Variants in PIGB observed in about 807,000 individuals in gnomAD.
PIGB encodes the protein phosphatidylinositol glycan anchor biosynthesis class B.
Under a neutral mutation model 68.4 loss-of-function variants are expected in PIGB, and 58 were observed. The observed-to-expected ratio is 0.85, with a 90% CI of 0.69 to 1.06. The LOEUF (loss-of-function observed/expected upper bound fraction) is 1.06, where lower values mean the gene tolerates loss of function less well. Ranked by LOEUF, PIGB falls within the 50% of genes least tolerant of loss-of-function variation. The probability of loss-of-function intolerance (pLI) is 0.00; values close to 1 mark genes in which losing one functional copy is unlikely to be tolerated. For synonymous variants in PIGB, 219 were observed against 220.5 expected (o/e 0.99, Z 0.06); for missense variants, 634 against 655.8 (o/e 0.97, Z 0.36).
chr15:55,334,904 G>A (rs1435644974), intron 6 of PIGB, among the ~76,000 whole-genome samples: 2 of 152,034 alleles, frequency 1.3e-5, no homozygotes, highest in Non-Finnish European at 2.9e-5. Context: ...ATTTTTAGTC[G>A]AGTTGGGGTT....
At chr15:55,319,601 T>G (rs1566945160) in intron 1 of PIGB, 188 bp downstream of exon 1, 1 of 538,766 alleles carries the variant, frequency 1.9e-6, no homozygotes, top group Non-Finnish European at 3.2e-6. Context: ...CTAAATTCAA[T>G]TTTTTAAAAA....
chr15:55,332,634 A>G (rs751404583), intron 5 of PIGB, among the ~76,000 whole-genome samples: 6 of 152,258 alleles, frequency 3.9e-5, no homozygotes, highest in Non-Finnish European at 8.8e-5. Context: ...CGGCCTCCCA[A>G]AGTGCTGGGA....
intron 3 of PIGB, chr15:55,324,722 A>G (rs566420257): frequency 5.2e-6 from 3 of 575,302 alleles, no homozygotes; most frequent in South Asian, 7.6e-5. Flanking sequence ...GCTACCTCAC[A>G]CTGTTGGCTC....
chr15:55,337,039 T>C (rs1213530895), intron 6 of PIGB, among the ~76,000 whole-genome samples: 14 of 152,072 alleles, frequency 9.2e-5, no homozygotes, highest in Admixed American at 5.9e-4. Flanking sequence ...TAAAAATCTA[T>C]AAGAAAAAGA....
Position 55,350,814 on chromosome 15 carries a change from T to G in PIGB, c.1239T>G (p.Asp413Glu). Residue 413 changes from aspartate to glutamate, a missense_variant, in exon 10 of 12, where the codon GAT (aspartate) becomes GAG (glutamate). Asp to Glu is a conservative substitution (Grantham distance 45). Transcript: ENST00000164305. ...TGLVHQRGTL[D>E]VMSHIQKVCY... is the part of the protein sequence containing the mutation. ...TAGTTCATCAACGAGGTACTCTTGA[T>G]GTCATGAGTCATATTCAAAAAGTTT... is the stretch of plus-strand genomic sequence containing the variant. 1 of 1,607,368 alleles carries G rather than the reference T, an allele frequency of 6.2e-7. No individual in the cohort carries two copies.
In PIGB at chr15:55,340,654, C is replaced by A. The variant is rs772856531; in HGVS notation, c.889C>A (p.Gln297Lys). 8 of 1,612,712 alleles carry A rather than the reference C, an allele frequency of 5.0e-6. No individual in the cohort carries two copies. Among genetic ancestry groups the A allele is most frequent in the Non-Finnish European group, 6.8e-6 (8 of 1,179,368 alleles). The change falls in exon 8 of 12, where the codon CAG becomes AAG. Residue 297 changes from glutamine to lysine, a missense_variant. Physicochemically the swap from Gln to Lys is moderately conservative, Grantham distance 53 (BLOSUM62 1). Transcript: ENST00000164305. ...TAATTTTTTGAAATTTAACGTGCTG[C>A]AGAACTGGGGAACATTTTATGGTTC... is the stretch of plus-strand genomic sequence containing the variant. ...QFNFLKFNVL[Q>K]NWGTFYGSHP...
intron 9 of PIGB, among the ~76,000 whole-genome samples, chr15:55,346,095 C>T (rs1566957759): frequency 6.6e-6 from 1 of 152,092 alleles, no homozygotes; most frequent in Non-Finnish European, 1.5e-5. Context: ...TGAACCTTAC[C>T]TTGGTAAGAA....
chr15:55,319,481 C>G, intron 1 of PIGB, 68 bp downstream of exon 1: 1 of 1,236,434 alleles, frequency 8.1e-7, no homozygotes, highest in African/African-American at 1.5e-5. Context: ...CATTTCATTA[C>G]CAGCCAGTTG....
intron 6 of PIGB, among the ~76,000 whole-genome samples, chr15:55,338,458 A>AAT (rs1393069878): frequency 6.6e-6 from 1 of 152,040 alleles, no homozygotes; most frequent in Non-Finnish European, 1.5e-5. Context: ...CCAGTTGGGT[A>AAT]ATATAGTGAG....
At position 55,347,983 on chromosome 15, in the gene PIGB, C is replaced by CTTT. The variant is rs576991463; in HGVS notation, c.1124-2694_1124-2692dup. On this transcript the variant is annotated intron_variant, in intron 9 of 11. Coordinates refer to ENST00000164305, the MANE Select transcript of PIGB (RefSeq NM_004855.5). ...TATTGTATTCCTAGTGCCATAGTTT[C>CTTT]TTTTTTTTTTTTTTTTTTTTTTTTG... is the stretch of plus-strand genomic sequence containing the variant. Among the ~76,000 whole-genome samples, 395 of 94,008 alleles carry CTTT rather than the reference C, an allele frequency of 4.2e-3. 2 individuals carry two copies. The highest frequency in any genetic ancestry group is 9.3e-3 in the East Asian group (23 of 2,466). The allele number at this position is 94,008 out of a possible 152,430, so 61.7% of individuals were successfully genotyped here.
In PIGB at chr15:55,333,090, A is replaced by T. The variant is rs139887824; in HGVS notation, c.654-777A>T. 5.8e-3 allele frequency among the ~76,000 whole-genome samples: 881 copies of T among 150,636 alleles called. 10 individuals carry two copies. Among genetic ancestry groups the T allele is most frequent in the Non-Finnish European group, 9.5e-3 (641 of 67,592 alleles). On this transcript the variant is annotated intron_variant, in intron 5 of 11. Coordinates refer to ENST00000164305, the MANE Select transcript of PIGB (RefSeq NM_004855.5). ...ATAGCTCCTTAGGAGAAACTTGATC[A>T]TTTTTTTTTCAATCAAGAAAGTAAT...
chr15:55,340,920 A>G, intron 8 of PIGB, 97 bp downstream of exon 8: 1 of 786,344 alleles, frequency 1.3e-6, no homozygotes, highest in Non-Finnish European at 2.0e-6. Flanking sequence ...TGGAGGTGCC[A>G]TTAACTTTTG....
intron 10 of PIGB, 111 bp from the exon 11 acceptor site, chr15:55,354,687 A>G: frequency 1.3e-6 from 1 of 791,004 alleles, no homozygotes; most frequent in Non-Finnish European, 1.9e-6. Context: ...ACTGCAACAC[A>G]GTTTACAGAT....
intron 3 of PIGB, among the ~76,000 whole-genome samples, chr15:55,321,646 CTTTTTT>C (rs966940527): frequency 1.5e-5 from 1 of 68,344 alleles, no homozygotes; most frequent in South Asian, 6.1e-4. Flanking sequence ...ATACTTCTTT[CTTTTTT>C]TTTTTTTTTT....
At chr15:55,329,111 A>G (rs1378860058) in intron 4 of PIGB, among the ~76,000 whole-genome samples, 1 of 152,138 alleles carries the variant, frequency 6.6e-6, no homozygotes, top group East Asian at 1.9e-4. Context: ...GTTTCTTTTA[A>G]CACATTTGTT....
At chr15:55,353,998 T>TAAAAATAAAAAAAATAAAA (rs112479438) in intron 10 of PIGB, among the ~76,000 whole-genome samples, 43 of 112,048 alleles carry the variant, frequency 3.8e-4, no homozygotes, top group African/African-American at 1.8e-3. Flanking sequence ...TCATCTTAAA[T>TAAAAATAAAAAAAATAAAA]AAAAAAAAAA....
At chr15:55,330,497 T>C (rs7183960) in intron 5 of PIGB, among the ~76,000 whole-genome samples, 48,981 of 151,956 alleles carry the variant, frequency 0.32, 8,732 homozygotes, top group East Asian at 0.56. Context: ...AGTGAAGGCA[T>C]AGAACTGTAA....
chr15:55,355,427 T>G lies in PIGB; in HGVS notation c.1660T>G (p.Phe554Val). 1 of 1,605,274 alleles carries G rather than the reference T, an allele frequency of 6.2e-7. No homozygotes were observed. The highest frequency in any genetic ancestry group is 8.5e-7 in the Non-Finnish European group (1 of 1,176,260). ...LKGKFNMKMKF is the reference protein window; with the variant it reads ...LKGKFNMKMKV ...AGGGAAATTCAACATGAAGATGAAA[T>G]TCTGAACTTTCCTAGATAAATTAAC... is the stretch of plus-strand genomic sequence containing the variant. Residue 554 changes from phenylalanine (F) to valine (V), a missense_variant, in exon 12 of 12, where the codon TTC (phenylalanine) becomes GTC (valine). Physicochemically the swap from Phe to Val is conservative, Grantham distance 50 (BLOSUM62 -1). Coordinates refer to ENST00000164305, the MANE Select transcript of PIGB (RefSeq NM_004855.5).
At chr15:55,341,086 G>A (rs1160622028) in intron 8 of PIGB, among the ~76,000 whole-genome samples, 2 of 151,514 alleles carry the variant, frequency 1.3e-5, no homozygotes, top group Non-Finnish European at 2.9e-5. Flanking sequence ...AACAGACCAG[G>A]CACAGTTGCT....
Sources: allele counts gnomAD v4.1 joint callset (sites outside exome capture counted in the v4.1 genomes callset), GRCh38; gene constraint gnomAD v4.1.1; transcripts MANE v1.5; gene names NCBI Gene and HGNC (gene_info 2026-07-23, HGNC 2026-07-21).